The following HDC variants were observed in gnomAD, a reference collection of about 807,000 sequenced individuals.
HDC encodes histidine decarboxylase.
HDC carries 27 observed loss-of-function variants against 64.4 expected under a neutral mutation model. The ratio of observed to expected loss-of-function variants is 0.42; its 90% CI spans 0.31 to 0.58. The LOEUF (loss-of-function observed/expected upper bound fraction) is 0.58, where lower values mean the gene tolerates loss of function less well. Ranked by LOEUF, HDC falls within the 20% of genes least tolerant of loss-of-function variation. The pLI is 0.16. For synonymous variants in HDC, 305 were observed against 314.2 expected (o/e 0.97, Z 0.31); for missense variants, 711 against 833.9 (o/e 0.85, Z 1.81).
At chr15:50,244,283 C>T (rs1006451738) in intron 10 of HDC, among the ~76,000 whole-genome samples, 1 of 139,524 alleles carries the variant, frequency 7.2e-6, no homozygotes, top group Non-Finnish European at 1.5e-5. Context: ...TTAGCTGAAC[C>T]TCTTTTTTTT....
intron 2 of HDC, among the ~76,000 whole-genome samples, chr15:50,261,584 C>T (rs2045702778): frequency 7.2e-6 from 1 of 138,234 alleles, no homozygotes; most frequent in Admixed American, 7.8e-5. Context: ...AGTTGGAGAC[C>T]AGCTTGGGCA....
chr15:50,252,419 T>C lies in HDC; in HGVS notation c.1041+11A>G, dbSNP rs1259164112. ...CCGAGCCCACCAGGCTGCCCGTCCC[T>C]GGCCACTCACCATGAAGTCGGTGGC... On this transcript the variant is annotated intron_variant, in intron 9 of 11. Transcript: ENST00000267845. 4.3e-6 allele frequency: 7 copies of C among 1,613,228 alleles called. No individual in the cohort carries two copies. Among genetic ancestry groups the C allele is most frequent in the Non-Finnish European group, 5.9e-6 (7 of 1,179,166 alleles).
In HDC at chr15:50,254,738, T is replaced by TCTCTCTCTC. The variant is rs1555503912; in HGVS notation, c.442-75_442-74insGAGAGAGAG. Reference sequence around the variant, plus strand: ...AAATTTCCCCAGGCTTTCTAGTTTTTTCTCTCTCTCTCTCTCTCTCTCTCT... The same window carrying TCTCTCTCTC: ...AAATTTCCCCAGGCTTTCTAGTTTTTCTCTCTCTCTCTCTCTCTCTCTCTCTCTCTCTCT... On this transcript the variant is annotated intron_variant, in intron 4 of 11. Coordinates refer to ENST00000267845, the MANE Select transcript of HDC (RefSeq NM_002112.4). 1.5e-4 allele frequency: 133 copies of TCTCTCTCTC among 865,468 alleles called. 1 individual carries two copies. The African/African-American group carries it at 2.1e-3, about 14-fold the overall frequency. The allele number at this position is 865,468 out of a possible 1,614,324, so 53.6% of individuals were successfully genotyped here.
At chr15:50,245,275 G>A in intron 10 of HDC, among the ~76,000 whole-genome samples, 1 of 152,204 alleles carries the variant, frequency 6.6e-6, no homozygotes, top group East Asian at 1.9e-4. Flanking sequence ...ATTGTCTACG[G>A]TAGCTCTTGT....
rs1403410415 is a variant in HDC, at chr15:50,242,798, C to T, written c.1451G>A (p.Ser484Asn). ...ILSQHCTSQP[S>N]PRVGNLISQI... Reference sequence around the variant, plus strand: ...GGAGATGAGGTTCCCAACCCGAGGGCTGGGTTGGGAAGTACAGTGCTGACT... The same window carrying T: ...GGAGATGAGGTTCCCAACCCGAGGGTTGGGTTGGGAAGTACAGTGCTGACT... The change falls in exon 12 of 12, where the codon AGC becomes AAC. Residue 484 changes from serine (S) to asparagine (N), a missense_variant. Physicochemically the swap from Ser to Asn is conservative, Grantham distance 46. This residue lies in a region of HDC where 483 missense variants were observed against 540.9 expected (regional missense o/e 0.89). Coordinates refer to ENST00000267845, the MANE Select transcript of HDC (RefSeq NM_002112.4). The T allele has an allele frequency of 2.5e-6, 4 of 1,613,832 alleles. No individual in the cohort carries two copies. In the South Asian group the frequency reaches 3.3e-5, roughly 13 times the overall value.
At chr15:50,259,542 T>C (rs1232599081) in intron 2 of HDC, among the ~76,000 whole-genome samples, 1 of 152,232 alleles carries the variant, frequency 6.6e-6, no homozygotes, top group Non-Finnish European at 1.5e-5. Context: ...CTCATCTCAC[T>C]GCTCTGCAAG....
chr15:50,260,357 A>T (rs979984670), intron 2 of HDC, among the ~76,000 whole-genome samples: 2 of 152,088 alleles, frequency 1.3e-5, no homozygotes, highest in African/African-American at 2.4e-5. Context: ...GGTCTCAAAA[A>T]GTGTTTACAG....
chr15:50,245,205 T>A (rs1420934192), intron 10 of HDC, among the ~76,000 whole-genome samples: 1 of 152,238 alleles, frequency 6.6e-6, no homozygotes, highest in African/African-American at 2.4e-5. Flanking sequence ...CATGGCCAAA[T>A]ATAGCCCCCA....
At chr15:50,258,187 G>A (rs1039178203) in intron 3 of HDC, among the ~76,000 whole-genome samples, 1 of 152,074 alleles carries the variant, frequency 6.6e-6, no homozygotes, top group Non-Finnish European at 1.5e-5. Flanking sequence ...CTTAAGCCTC[G>A]ATTTCTTCAC....
At chr15:50,243,346 C>T (rs983904634) in intron 10 of HDC, 102 bp from the exon 11 acceptor site, 17 of 807,056 alleles carry the variant, frequency 2.1e-5, no homozygotes, top group East Asian at 7.8e-5. Flanking sequence ...GCCATCTTCC[C>T]GTCACAGCCG....
chr15:50,259,916 A>G (rs1312735213), intron 2 of HDC, among the ~76,000 whole-genome samples: 3 of 152,144 alleles, frequency 2.0e-5, no homozygotes, highest in Non-Finnish European at 4.4e-5. Flanking sequence ...ACAAGTTCCC[A>G]TCCCACCTCA....
At chr15:50,245,687 G>A (rs2045472342) in intron 10 of HDC, among the ~76,000 whole-genome samples, 1 of 152,116 alleles carries the variant, frequency 6.6e-6, no homozygotes, top group African/African-American at 2.4e-5. Context: ...TTGAGCCCAG[G>A]AGCGTGAGAA....
rs1044735149 is a variant in HDC, at chr15:50,248,164, C to T, written c.1140+81G>A. 2.3e-5 allele frequency: 23 copies of T among 983,282 alleles called. No individual in the cohort carries two copies. Among genetic ancestry groups the T allele is most frequent in the African/African-American group, 2.2e-4 (14 of 62,928 alleles). 60.9% of individuals were successfully genotyped at this position (983,282 alleles called of 1,614,324 possible). A position where few individuals can be genotyped will look rare whatever the true frequency, so the allele number is the denominator to read the frequency against. On this transcript the variant is annotated intron_variant, in intron 10 of 11. Coordinates refer to ENST00000267845, the MANE Select transcript of HDC (RefSeq NM_002112.4). The surrounding 1 kb of genome is among the most constrained non-coding windows in gnomAD (Gnocchi z 4.3). ...CACACCGCAAGTCTCCTAGGCAGATCTGCAAAGTAGAAACCAGCCTTCCTC... is the reference window on the plus strand; with the variant it reads ...CACACCGCAAGTCTCCTAGGCAGATTTGCAAAGTAGAAACCAGCCTTCCTC...
At position 50,253,732 on chromosome 15, in the gene HDC, A is replaced by G. The variant is rs2045589002; in HGVS notation, c.721-66T>C. On this transcript the variant is annotated intron_variant, in intron 6 of 11. Coordinates refer to ENST00000267845, the MANE Select transcript of HDC (RefSeq NM_002112.4). ...TCGTGTGACACATTTGGCCTGAGAA[A>G]GATTTCACCACAGACGTGATCTACT... 1.2e-5 allele frequency: 15 copies of G among 1,263,020 alleles called. No homozygotes were observed. The South Asian group carries it at 1.8e-4, about 15-fold the overall frequency. The allele number at this position is 1,263,020 out of a possible 1,614,324, so 78.2% of individuals were successfully genotyped here.
intron 2 of HDC, among the ~76,000 whole-genome samples, chr15:50,259,337 G>C (rs1382968956): frequency 6.6e-6 from 1 of 152,140 alleles, no homozygotes; most frequent in African/African-American, 2.4e-5. Flanking sequence ...CATCACATTG[G>C]GAATGTAGTG....
chr15:50,248,902 C>T lies in HDC; in HGVS notation c.1042-559G>A, dbSNP rs2045518195. On this transcript the variant is annotated intron_variant, in intron 9 of 11. Transcript: ENST00000267845. The surrounding 1 kb of genome is among the most constrained non-coding windows in gnomAD (Gnocchi z 4.3). The stretch of plus-strand genomic sequence containing the variant: ...TAAAGAACCAATTGCACCTCCCGGG[C>T]AAGTGGTGTGAGGACAAAGAACGCC... 6.6e-6 allele frequency among the ~76,000 whole-genome samples: 1 copy of T among 152,128 alleles called. No homozygotes were observed. The highest frequency in any genetic ancestry group is 6.5e-5 in the Admixed American group (1 of 15,268).
chr15:50,252,840 G>T, intron 7 of HDC, 66 bp from the exon 8 acceptor site: 1 of 1,491,498 alleles, frequency 6.7e-7, no homozygotes. Flanking sequence ...CTCGCACCTG[G>T]CCAAGCTGAG....
intron 9 of HDC, among the ~76,000 whole-genome samples, chr15:50,251,641 G>A (rs2140931993): frequency 6.6e-6 from 1 of 152,236 alleles, no homozygotes; most frequent in African/African-American, 2.4e-5. Flanking sequence ...GTTTCCCTCA[G>A]GCAAAATACT....
intron 10 of HDC, among the ~76,000 whole-genome samples, chr15:50,245,637 G>C (rs1037637662): frequency 1.3e-5 from 2 of 152,176 alleles, no homozygotes; most frequent in African/African-American, 4.8e-5. Context: ...GCTCATGCCT[G>C]TAATCCTCGC....
Sources: gnomAD v4.1 joint callset for allele counts (sites outside exome capture counted in the v4.1 genomes callset) on GRCh38, gnomAD v4.1.1 for gene constraint, gnomAD v4.1.1 regional missense constraint, Gnocchi (gnomAD v3.1) non-coding constraint, MANE v1.5 for transcripts, NCBI Gene and HGNC (gene_info 2026-07-23, HGNC 2026-07-21) for gene names.